Variants in OXCT1 observed in about 807,000 individuals in gnomAD.
OXCT1 encodes the protein succinyl-CoA:3-ketoacid coenzyme A transferase 1, mitochondrial.
Under a neutral mutation model 69.6 loss-of-function variants are expected in OXCT1, and 27 were observed. The ratio of observed to expected loss-of-function variants is 0.39; its 90% confidence interval spans 0.29 to 0.54. The LOEUF (loss-of-function observed/expected upper bound fraction) is 0.54, where lower values mean the gene tolerates loss of function less well. Ranked by LOEUF, OXCT1 falls within the 20% of genes least tolerant of loss-of-function variation. The pLI is 0.72. For synonymous variants in OXCT1, 202 were observed against 217.8 expected (o/e 0.93, Z 0.64); for missense variants, 437 against 650.2 (o/e 0.67, Z 3.57).
At chr5:41,789,920 T>C (rs530494985) in intron 13 of OXCT1, among the ~76,000 whole-genome samples, 2 of 152,348 alleles carry the variant, frequency 1.3e-5, no homozygotes, top group South Asian at 4.1e-4. Context: ...ACTTAACTTA[T>C]TTAAAACAGG....
chr5:41,758,606 G>A (rs1188952842), intron 14 of OXCT1, among the ~76,000 whole-genome samples: 1 of 151,946 alleles, frequency 6.6e-6, no homozygotes, highest in Non-Finnish European at 1.5e-5. Context: ...ACCTTAGAAG[G>A]CTGCAGAGCA....
At chr5:41,805,719 G>A (rs940794429) in intron 8 of OXCT1, 38 bp from the exon 9 acceptor site, 1 of 1,315,152 alleles carries the variant, frequency 7.6e-7, no homozygotes. Flanking sequence ...CGTGGTTGAG[G>A]TATGCTTTGT....
At chr5:41,743,536 A>C (rs1030256937) in intron 15 of OXCT1, among the ~76,000 whole-genome samples, 1 of 152,174 alleles carries the variant, frequency 6.6e-6, no homozygotes, top group Non-Finnish European at 1.5e-5. Flanking sequence ...TTGGTGTTTT[A>C]CACATGAAGT....
intron 13 of OXCT1, among the ~76,000 whole-genome samples, chr5:41,786,716 T>C (rs1745658503): frequency 6.6e-6 from 1 of 152,206 alleles, no homozygotes; most frequent in Admixed American, 6.5e-5. Context: ...CCACAGGAGA[T>C]AAAAATAGCT....
chr5:41,791,226 G>T (rs968914282), intron 13 of OXCT1, among the ~76,000 whole-genome samples: 2 of 151,974 alleles, frequency 1.3e-5, no homozygotes, highest in African/African-American at 4.8e-5. Flanking sequence ...AGTTATGAAA[G>T]CAACAAAAAA....
rs1462931725 is a variant in OXCT1, at chr5:41,777,687, A to C, written c.1249-15487T>G. Among the ~76,000 whole-genome samples, 3 of 152,342 alleles carry C rather than the reference A, an allele frequency of 2.0e-5. No homozygotes were observed. In the East Asian group the frequency reaches 5.8e-4, roughly 29 times the overall value. ...GATGTCCTATGTACAATTTCTAAAA[A>C]TACAGTCAGATCTTTCAGGACTAAA... is the stretch of plus-strand genomic sequence containing the variant. On this transcript the variant is annotated intron_variant, in intron 13 of 16. Transcript: ENST00000196371.
At chr5:41,748,360 A>G (rs919827173) in intron 15 of OXCT1, among the ~76,000 whole-genome samples, 1 of 152,060 alleles carries the variant, frequency 6.6e-6, no homozygotes, top group East Asian at 1.9e-4. Context: ...GAGGACCCAC[A>G]GGAAGAATGT....
chr5:41,734,694 T>C (rs1340416937), intron 16 of OXCT1, among the ~76,000 whole-genome samples: 1 of 152,138 alleles, frequency 6.6e-6, no homozygotes, highest in Non-Finnish European at 1.5e-5. Flanking sequence ...TCCTTAGTTG[T>C]GAAAATGTTG....
intron 4 of OXCT1, among the ~76,000 whole-genome samples, chr5:41,851,520 T>A (rs1381957400): frequency 2.0e-5 from 3 of 152,168 alleles, no homozygotes; most frequent in African/African-American, 7.2e-5. Context: ...GAAAGTGGAC[T>A]ATTTCTGCAG....
chr5:41,802,614 GCTTA>G (rs574422601), intron 10 of OXCT1, among the ~76,000 whole-genome samples: 325 of 152,082 alleles, frequency 2.1e-3, no homozygotes, highest in African/African-American at 7.5e-3. Flanking sequence ...TCACTCTGAG[GCTTA>G]CTTAATTTTA....
In OXCT1 at chr5:41,731,611, C is replaced by G; in HGVS notation, c.*118G>C. 7.1e-7 allele frequency: 1 copy of G among 1,418,350 alleles called. No individual in the cohort carries two copies. Among genetic ancestry groups the G allele is most frequent in the East Asian group, 2.5e-5 (1 of 39,892 alleles). 87.9% of individuals were successfully genotyped at this position (1,418,350 alleles called of 1,614,324 possible). A position where few individuals can be genotyped will look rare whatever the true frequency, so the allele number is the denominator to read the frequency against. On this transcript the variant is annotated 3_prime_UTR_variant, in exon 17 of 17. Transcript: ENST00000196371. ...ATATGGCTGCATAAAGTCTGAAACA[C>G]AAGAAAACTAATAAAAAACCACCTG...
At chr5:41,865,032 A>G (rs1369246242) in intron 1 of OXCT1, among the ~76,000 whole-genome samples, 2 of 152,184 alleles carry the variant, frequency 1.3e-5, no homozygotes, top group African/African-American at 2.4e-5. Context: ...CATTTCCCCT[A>G]TATACCTATA....
At chr5:41,812,024 T>C (rs1323810117) in intron 7 of OXCT1, among the ~76,000 whole-genome samples, 1 of 152,076 alleles carries the variant, frequency 6.6e-6, no homozygotes, top group Non-Finnish European at 1.5e-5. Flanking sequence ...ATGCCAATTA[T>C]TTGAACATCT....
chr5:41,824,613 C>T (rs552696696), intron 7 of OXCT1, among the ~76,000 whole-genome samples: 12 of 152,118 alleles, frequency 7.9e-5, no homozygotes, highest in African/African-American at 2.9e-4. Flanking sequence ...ATTCAGATGC[C>T]AAGAGCACTG....
At chr5:41,784,686 T>C (rs777034573) in intron 13 of OXCT1, among the ~76,000 whole-genome samples, 4 of 152,220 alleles carry the variant, frequency 2.6e-5, no homozygotes, top group Non-Finnish European at 5.9e-5. Context: ...AATCTCTTCA[T>C]CTATAATAAC....
chr5:41,790,928 C>A (rs1274205481), intron 13 of OXCT1, among the ~76,000 whole-genome samples: 1 of 152,136 alleles, frequency 6.6e-6, no homozygotes, highest in East Asian at 1.9e-4. Context: ...GTAAAATCAT[C>A]TCGCTTTTAC....
At chr5:41,853,669 A>G (rs1749293755) in intron 3 of OXCT1, 115 bp from the exon 4 acceptor site, 3 of 1,157,812 alleles carry the variant, frequency 2.6e-6, no homozygotes, top group Non-Finnish European at 3.8e-6. Context: ...TCTTATAGGC[A>G]TTTGATCCAC....
intron 14 of OXCT1, among the ~76,000 whole-genome samples, chr5:41,752,523 T>A (rs1433556912): frequency 5.9e-5 from 9 of 151,766 alleles, no homozygotes. Context: ...GAAGCTGAGG[T>A]GGGAGGATCA....
chr5:41,804,467 A>G (rs1247772021), intron 9 of OXCT1, among the ~76,000 whole-genome samples: 1 of 152,134 alleles, frequency 6.6e-6, no homozygotes, highest in African/African-American at 2.4e-5. Flanking sequence ...CACAGGCAAT[A>G]CAATAACTGA....
Sources: allele counts gnomAD v4.1 joint callset (sites outside exome capture counted in the v4.1 genomes callset), GRCh38; gene constraint gnomAD v4.1.1; transcripts MANE v1.5; gene names NCBI Gene and HGNC (gene_info 2026-07-23, HGNC 2026-07-21).